Variants in CDK14 observed in about 807,000 individuals in gnomAD.
CDK14 encodes cyclin-dependent kinase 14.
Under a neutral mutation model 60.7 loss-of-function variants are expected in CDK14, and 34 were observed. That is an observed-to-expected ratio of 0.56 (90% CI 0.43 to 0.75). The LOEUF is 0.75. Ranked by LOEUF, CDK14 falls within the 30% of genes least tolerant of loss-of-function variation. The pLI is 0.00. For synonymous variants in CDK14, 197 were observed against 203.7 expected (o/e 0.97, Z 0.28); for missense variants, 482 against 564.1 (o/e 0.85, Z 1.47).
intron 3 of CDK14, among the ~76,000 whole-genome samples, 169 bp downstream of exon 3, chr7:90,726,981 C>T (rs957783235): frequency 2.0e-5 from 3 of 152,068 alleles, no homozygotes; most frequent in African/African-American, 7.2e-5. Flanking sequence ...ATATGGACTC[C>T]TTATTTATAA....
intron 9 of CDK14, among the ~76,000 whole-genome samples, chr7:90,958,830 C>A (rs1401317358): frequency 3.3e-5 from 5 of 152,092 alleles, no homozygotes; most frequent in Non-Finnish European, 5.9e-5. Flanking sequence ...TTGGAAACAT[C>A]TGTGGCTTGG....
chr7:91,201,253 T>C (rs1315718499), intron 14 of CDK14, among the ~76,000 whole-genome samples: 2 of 152,126 alleles, frequency 1.3e-5, no homozygotes, highest in African/African-American at 2.4e-5. Context: ...TGTTATGAGG[T>C]AGCTTTCTTT....
intron 4 of CDK14, among the ~76,000 whole-genome samples, chr7:90,783,443 G>A (rs573826097): frequency 9.2e-5 from 14 of 152,104 alleles, no homozygotes; most frequent in East Asian, 3.9e-4. Flanking sequence ...AGTAGTAAGC[G>A]TCTACAAGCA....
At chr7:90,946,292 A>G (rs6465300) in intron 8 of CDK14, among the ~76,000 whole-genome samples, 126,280 of 152,140 alleles carry the variant, frequency 0.83, 52,565 homozygotes, top group East Asian at 0.95. Context: ...AAGTTGTGAC[A>G]TTTATTTACT....
At chr7:91,086,267 A>G (rs1798636125) in intron 12 of CDK14, among the ~76,000 whole-genome samples, 1 of 152,192 alleles carries the variant, frequency 6.6e-6, no homozygotes, top group Non-Finnish European at 1.5e-5. Flanking sequence ...ATAAATCTGC[A>G]GGGGGAATAG....
chr7:91,090,375 A>G lies in CDK14; in HGVS notation c.1154+10895A>G, dbSNP rs56099374. Among the ~76,000 whole-genome samples, 416 of 152,316 alleles carry G rather than the reference A, an allele frequency of 2.7e-3. 4 individuals carry two copies. The highest frequency in any genetic ancestry group is 9.3e-3 in the African/African-American group (387 of 41,586). ...TTATGCATTGACAAGAATGTTCGCT[A>G]TCTTCACTTTCCAGTATGGTAACCA... On this transcript the variant is annotated intron_variant, in intron 12 of 14. Coordinates refer to ENST00000380050, the MANE Select transcript of CDK14 (RefSeq NM_001287135.2).
At chr7:90,613,674 GAGA>G (rs2116347915) in intron 2 of CDK14, among the ~76,000 whole-genome samples, 1 of 151,954 alleles carries the variant, frequency 6.6e-6, no homozygotes, top group Non-Finnish European at 1.5e-5. Context: ...GTGACAGAGC[GAGA>G]CTCTGTCTCA....
rs143536343 is a variant in CDK14 at position 90,715,177 on chromosome 7, C to T, written c.124-11390C>T. ...GTGTAGACATGAAGGAAGAACTGGCCTGGTTTAGTACAAAGAAGCCAGGGG... is the reference window on the plus strand; with the variant it reads ...GTGTAGACATGAAGGAAGAACTGGCTTGGTTTAGTACAAAGAAGCCAGGGG... On this transcript the variant is annotated intron_variant, in intron 2 of 14. Coordinates refer to ENST00000380050, the MANE Select transcript of CDK14 (RefSeq NM_001287135.2). Among the ~76,000 whole-genome samples, 1,069 of 152,042 alleles carry T rather than the reference C, an allele frequency of 7.0e-3. 5 individuals carry two copies. Among genetic ancestry groups the T allele is most frequent in the Non-Finnish European group, 0.012 (804 of 67,948 alleles).
chr7:90,889,847 G>C (rs1002586393), intron 6 of CDK14, among the ~76,000 whole-genome samples: 90 of 152,266 alleles, frequency 5.9e-4, no homozygotes, highest in African/African-American at 2.1e-3. Context: ...ATAGTTTGCA[G>C]ACCATATTGT....
At chr7:91,113,236 A>G (rs537549523) in intron 13 of CDK14, among the ~76,000 whole-genome samples, 3 of 152,232 alleles carry the variant, frequency 2.0e-5, no homozygotes, top group Non-Finnish European at 4.4e-5. Context: ...AGAGTTGGCA[A>G]TTGGCTAATG....
At chr7:90,952,257 C>T (rs7807704) in intron 8 of CDK14, among the ~76,000 whole-genome samples, 23,052 of 152,036 alleles carry the variant, frequency 0.15, 1,870 homozygotes, top group Non-Finnish European at 0.18. Flanking sequence ...AGCACTGTCC[C>T]GTGGTTTATT....
chr7:90,925,232 T>C (rs1793380830), intron 8 of CDK14, among the ~76,000 whole-genome samples: 1 of 152,210 alleles, frequency 6.6e-6, no homozygotes, highest in Admixed American at 6.5e-5. Flanking sequence ...AAAATGCAGA[T>C]TGAAGTGTTC....
intron 2 of CDK14, among the ~76,000 whole-genome samples, chr7:90,695,017 G>T (rs1279836599): frequency 1.3e-5 from 2 of 151,214 alleles, no homozygotes; most frequent in African/African-American, 2.5e-5. Flanking sequence ...CTTCCCAAAA[G>T]AAATTTTGAT....
chr7:90,840,646 A>G (rs527831501), intron 5 of CDK14, among the ~76,000 whole-genome samples: 11 of 152,326 alleles, frequency 7.2e-5, no homozygotes, highest in Admixed American at 7.2e-4. Flanking sequence ...ATAGGACAAT[A>G]TGGTAGTTCT....
intron 12 of CDK14, among the ~76,000 whole-genome samples, chr7:91,103,856 G>GAA (rs1190315258): frequency 6.6e-6 from 1 of 152,180 alleles, no homozygotes; most frequent in East Asian, 1.9e-4. Context: ...GAGAGAGAGA[G>GAA]AGAGAGAGAG....
chr7:91,171,806 C>G (rs1801529869), intron 14 of CDK14, among the ~76,000 whole-genome samples: 2 of 152,072 alleles, frequency 1.3e-5, no homozygotes, highest in Non-Finnish European at 2.9e-5. Flanking sequence ...ACCACCACAC[C>G]CAGCTAATTT....
intron 10 of CDK14, among the ~76,000 whole-genome samples, chr7:91,037,984 T>G (rs1023450541): frequency 2.0e-5 from 3 of 152,168 alleles, no homozygotes; most frequent in African/African-American, 4.8e-5. Context: ...AATACTGGGG[T>G]CCTGCACTGT....
At chr7:90,795,022 C>T (rs1266707064) in intron 5 of CDK14, among the ~76,000 whole-genome samples, 1 of 152,154 alleles carries the variant, frequency 6.6e-6, no homozygotes, top group African/African-American at 2.4e-5. Context: ...TGTCTCATGT[C>T]CCACAAGCTT....
intron 10 of CDK14, among the ~76,000 whole-genome samples, chr7:91,009,033 C>G (rs958797510): frequency 6.6e-6 from 1 of 152,100 alleles, no homozygotes; most frequent in Non-Finnish European, 1.5e-5. Flanking sequence ...CTGCTTCCAT[C>G]CCCAAGCGAC....
Sources: gnomAD v4.1 joint callset for allele counts (sites outside exome capture counted in the v4.1 genomes callset) on GRCh38, gnomAD v4.1.1 for gene constraint, MANE v1.5 for transcripts, NCBI Gene and HGNC (gene_info 2026-07-23, HGNC 2026-07-21) for gene names.